The following ASXL2 variants were observed in gnomAD, a reference collection of about 807,000 sequenced individuals.
ASXL2 encodes the protein putative Polycomb group protein ASXL2.
Under a neutral mutation model 122.0 loss-of-function variants are expected in ASXL2, and 23 were observed. That is an observed-to-expected ratio of 0.19 (90% CI 0.14 to 0.27). The LOEUF (loss-of-function observed/expected upper bound fraction) is 0.27, where lower values mean the gene tolerates loss of function less well. Ranked by LOEUF, ASXL2 falls within the 10% of genes least tolerant of loss-of-function variation. ASXL2 has a pLI of 1.00. For missense variants in ASXL2, 1,518 were observed against 1,713.8 expected, an observed-to-expected ratio of 0.89 and a Z score of 2.02; for synonymous variants, 650 against 637.0, an observed-to-expected ratio of 1.02 and a Z score of -0.31.
chr2:25,741,346 T>A lies in ASXL2; in HGVS notation c.*683A>T, dbSNP rs190316584. The A allele has an allele frequency of 1.4e-5, 3 of 220,774 alleles. No homozygotes were observed. Among genetic ancestry groups the A allele is most frequent in the Non-Finnish European group, 2.7e-5 (3 of 110,342 alleles). 13.7% of individuals were successfully genotyped at this position (220,774 alleles called of 1,614,324 possible). ...CAGGGATCCACAAATTCCAAGCAGA[T>A]TGCTTGGCAACAGTACCAGTAACTA... On this transcript the variant is annotated 3_prime_UTR_variant, in exon 13 of 13. Coordinates refer to ENST00000435504, the MANE Select transcript of ASXL2 (RefSeq NM_018263.6).
chr2:25,790,722 C>T lies in ASXL2; in HGVS notation c.403+8663G>A, dbSNP rs180860246. Among the ~76,000 whole-genome samples, 151 of 151,086 alleles carry T rather than the reference C, an allele frequency of 1.0e-3. 1 individual carries two copies. The highest frequency in any genetic ancestry group is 4.5e-3 in the East Asian group (23 of 5,160). On this transcript the variant is annotated intron_variant, in intron 5 of 12. Transcript: ENST00000435504. ...CACTAGTGAGCAGAAAAACAAAAGA[C>T]GCTAGTTTATTAACTCAGAAACTTA...
chr2:25,802,124 T>C (rs879376269), intron 4 of ASXL2, among the ~76,000 whole-genome samples: 11 of 152,244 alleles, frequency 7.2e-5, no homozygotes, highest in Non-Finnish European at 1.5e-4. Flanking sequence ...TCCTATGTCC[T>C]GGAAGGCCCT....
intron 5 of ASXL2, among the ~76,000 whole-genome samples, chr2:25,793,242 T>C (rs1267288465): frequency 6.6e-6 from 1 of 152,016 alleles, no homozygotes; most frequent in Non-Finnish European, 1.5e-5. Context: ...AAAAAATAAA[T>C]AAAATAAATA....
intron 1 of ASXL2, among the ~76,000 whole-genome samples, chr2:25,872,928 G>C (rs897154589): frequency 8.5e-5 from 13 of 152,054 alleles, no homozygotes; most frequent in African/African-American, 2.4e-4. Context: ...TTGGGAGGTT[G>C]TAAGTTCTTT....
chr2:25,838,624 A>G (rs2089540656), intron 2 of ASXL2, among the ~76,000 whole-genome samples: 1 of 152,194 alleles, frequency 6.6e-6, no homozygotes, highest in Non-Finnish European at 1.5e-5. Flanking sequence ...AAGAAGAAAT[A>G]TGGGCACAAG....
intron 6 of ASXL2, among the ~76,000 whole-genome samples, chr2:25,770,745 A>G (rs528857302): frequency 6.6e-6 from 1 of 152,312 alleles, no homozygotes; most frequent in East Asian, 1.9e-4. Context: ...AAAAGAAAGA[A>G]AAGAAAATCT....
intron 5 of ASXL2, among the ~76,000 whole-genome samples, chr2:25,794,060 A>G (rs1237662399): frequency 6.6e-6 from 1 of 152,236 alleles, no homozygotes; most frequent in African/African-American, 2.4e-5. Flanking sequence ...TTAAAAGGAG[A>G]CATAATCATA....
At chr2:25,754,733 C>A (rs1443185624) in intron 10 of ASXL2, among the ~76,000 whole-genome samples, 1 of 151,334 alleles carries the variant, frequency 6.6e-6, no homozygotes, top group Non-Finnish European at 1.5e-5. Context: ...CTGACAGTAC[C>A]TAGTTACAAA....
At position 25,856,473 on chromosome 2, in the gene ASXL2, C is replaced by T. The variant is rs1233246614; in HGVS notation, c.58-10910G>A. ...AGTCTCCAGCTTCTCACTTGGCCTT[C>T]GGGTTACGGAACTTGTATCCAGCAA... On this transcript the variant is annotated intron_variant, in intron 1 of 12. Transcript: ENST00000435504. 8.3e-5 allele frequency: 83 copies of T among 1,005,538 alleles called. 2 individuals carry two copies. In the South Asian group the frequency reaches 9.5e-4, roughly 12 times the overall value. The allele number at this position is 1,005,538 out of a possible 1,614,324, so 62.3% of individuals were successfully genotyped here.
At chr2:25,788,355 C>T (rs796837435) in intron 5 of ASXL2, among the ~76,000 whole-genome samples, 2 of 152,292 alleles carry the variant, frequency 1.3e-5, no homozygotes, top group South Asian at 2.1e-4. Flanking sequence ...TCCACCAGTA[C>T]CCAAATTCAT....
Position 25,737,594 on chromosome 2 carries a change from T to C in ASXL2, c.*4435A>G, listed in dbSNP as rs1199295986. 1.3e-5 allele frequency: 2 copies of C among 152,170 alleles called. No individual in the cohort carries two copies. Among genetic ancestry groups the C allele is most frequent in the African/African-American group, 4.8e-5 (2 of 41,450 alleles). 9.4% of individuals were successfully genotyped at this position (152,170 alleles called of 1,614,324 possible). Reference sequence around the variant, plus strand: ...CATACAATCTGTGGGAACCATCCCATAGGAGTATAAGGCAGTAACTGAGGA... The same window carrying C: ...CATACAATCTGTGGGAACCATCCCACAGGAGTATAAGGCAGTAACTGAGGA... On this transcript the variant is annotated 3_prime_UTR_variant, in exon 13 of 13. Coordinates refer to ENST00000435504, the MANE Select transcript of ASXL2 (RefSeq NM_018263.6).
chr2:25,804,363 T>C (rs2089048270), intron 4 of ASXL2, among the ~76,000 whole-genome samples: 1 of 152,244 alleles, frequency 6.6e-6, no homozygotes, highest in Non-Finnish European at 1.5e-5. Flanking sequence ...CTCAACCACA[T>C]CTACAACTGG....
intron 5 of ASXL2, among the ~76,000 whole-genome samples, chr2:25,794,156 C>G (rs543778565): frequency 6.6e-6 from 1 of 152,146 alleles, no homozygotes; most frequent in Admixed American, 6.5e-5. Flanking sequence ...CAATATATAT[C>G]AAATTCCTGA....
intron 3 of ASXL2, 125 bp from the exon 4 acceptor site, chr2:25,806,462 A>T: frequency 3.4e-6 from 2 of 584,656 alleles, no homozygotes; most frequent in Non-Finnish European, 5.9e-6. Context: ...TATCTTATAA[A>T]CTATAAGAAG....
intron 4 of ASXL2, among the ~76,000 whole-genome samples, chr2:25,800,498 G>T (rs544909313): frequency 6.6e-6 from 1 of 152,078 alleles, no homozygotes; most frequent in African/African-American, 2.4e-5. Flanking sequence ...TTAAATGAAG[G>T]TTCTTCCTGA....
chr2:25,851,861 A>G (rs906579400), intron 1 of ASXL2, among the ~76,000 whole-genome samples: 6 of 152,174 alleles, frequency 3.9e-5, no homozygotes, highest in Non-Finnish European at 8.8e-5. Flanking sequence ...ACTGGACTCC[A>G]GCCTCGGTGA....
intron 1 of ASXL2, among the ~76,000 whole-genome samples, chr2:25,873,165 TGTCA>T (rs2089976790): frequency 1.3e-5 from 2 of 152,052 alleles, no homozygotes; most frequent in Admixed American, 1.3e-4. Flanking sequence ...ATAGCTTAGC[TGTCA>T]GTGTTTCTCA....
At chr2:25,853,911 A>T (rs1410087563) in intron 1 of ASXL2, among the ~76,000 whole-genome samples, 1 of 152,108 alleles carries the variant, frequency 6.6e-6, no homozygotes, top group Admixed American at 6.6e-5. Flanking sequence ...AGCTTCAGAC[A>T]CTAGTAAAAA....
intron 5 of ASXL2, among the ~76,000 whole-genome samples, chr2:25,781,959 C>CTGTTTTT (rs2088647058): frequency 1.1e-5 from 1 of 88,400 alleles, no homozygotes; most frequent in Non-Finnish European, 2.3e-5. Context: ...ACCGCCCGGG[C>CTGTTTTT]TTTTTTCTTT....
Sources: allele counts gnomAD v4.1 joint callset (sites outside exome capture counted in the v4.1 genomes callset), GRCh38; gene constraint gnomAD v4.1.1; transcripts MANE v1.5; gene names NCBI Gene and HGNC (gene_info 2026-07-23, HGNC 2026-07-21).